ZNF341: variants seen among roughly 807,000 people sequenced by gnomAD.
ZNF341 encodes zinc finger protein 341.
In ZNF341, 52 loss-of-function variants were observed where a neutral mutation model predicts 87.7. The observed-to-expected ratio is 0.59, with a 90% confidence interval of 0.47 to 0.75. ZNF341 has a LOEUF of 0.75. Among genes scored for constraint, ZNF341 ranks in the 30% least tolerant of loss-of-function variants. The pLI, the probability that ZNF341 is intolerant of heterozygous loss-of-function variation, is 0.00. For synonymous variants in ZNF341, 459 were observed against 472.7 expected, an observed-to-expected ratio of 0.97 and a Z score of 0.38; for missense variants, 977 against 1,145.9, an observed-to-expected ratio of 0.85 and a Z score of 2.13.
At chr20:33,735,963 A>G (rs556114745) in intron 1 of ZNF341, among the ~76,000 whole-genome samples, 5 of 152,108 alleles carry the variant, frequency 3.3e-5, no homozygotes, top group Admixed American at 6.5e-5. Context: ...TTCACCCGTC[A>G]TAATTCCCTA....
chr20:33,782,922 G>T (rs1396590342), intron 11 of ZNF341, among the ~76,000 whole-genome samples: 1 of 152,180 alleles, frequency 6.6e-6, no homozygotes, highest in African/African-American at 2.4e-5. Flanking sequence ...TCGGGAGGCT[G>T]AGGCGGGTGG....
chr20:33,769,215 T>C (rs2019472225), intron 9 of ZNF341, among the ~76,000 whole-genome samples: 1 of 152,122 alleles, frequency 6.6e-6, no homozygotes, highest in Admixed American at 6.5e-5. Context: ...GAGAGTGTGA[T>C]GACTGTGGGC....
chr20:33,766,934 A>C lies in ZNF341; in HGVS notation c.1306A>C (p.Lys436Gln). ...GEEEGDKPES[K>Q]QVVLIDSSYL... ...GGAAGAGGGGGACAAGCCGGAGTCCAAGCAGGTGGTCCTCATCGACAGCTC... is the reference window on the plus strand; with the variant it reads ...GGAAGAGGGGGACAAGCCGGAGTCCCAGCAGGTGGTCCTCATCGACAGCTC... Residue 436 changes from lysine to glutamine, a missense_variant, in exon 9 of 15, where the codon AAG becomes CAG. Coordinates refer to ENST00000375200, the MANE Select transcript of ZNF341 (RefSeq NM_001282933.2). The C allele has an allele frequency of 1.2e-6, 2 of 1,614,202 alleles. No homozygotes were observed. The highest frequency in any genetic ancestry group is 1.7e-6 in the Non-Finnish European group (2 of 1,180,018).
At chr20:33,752,530 T>C (rs1396480250) in intron 4 of ZNF341, 1 of 461,506 alleles carries the variant, frequency 2.2e-6, no homozygotes, top group Non-Finnish European at 4.2e-6. Context: ...GCCACCCTTC[T>C]TTCTGGGAGC....
chr20:33,753,031 A>G lies in ZNF341; in HGVS notation c.490-141A>G. 2.5e-6 allele frequency: 3 copies of G among 1,219,878 alleles called. No individual in the cohort carries two copies. In the South Asian group the frequency reaches 4.1e-5, roughly 17 times the overall value. The allele number at this position is 1,219,878 out of a possible 1,614,324, so 75.6% of individuals were successfully genotyped here. Reference sequence around the variant, plus strand: ...AATTCTCCCATGACTTTGTTTCCCCAACCTCTCTTAGCCCCTCTCCTGAGC... The same window carrying G: ...AATTCTCCCATGACTTTGTTTCCCCGACCTCTCTTAGCCCCTCTCCTGAGC... On this transcript the variant is annotated intron_variant, in intron 4 of 14. Coordinates refer to ENST00000375200, the MANE Select transcript of ZNF341 (RefSeq NM_001282933.2).
intron 4 of ZNF341, 50 bp downstream of exon 4, chr20:33,749,122 T>C (rs2019003589): frequency 6.4e-7 from 1 of 1,570,892 alleles, no homozygotes; most frequent in Admixed American, 1.8e-5. Flanking sequence ...ACCTGTACAT[T>C]AACTCCTGCA....
intron 2 of ZNF341, among the ~76,000 whole-genome samples, chr20:33,743,848 G>A (rs1190243429): frequency 6.6e-6 from 1 of 152,166 alleles, no homozygotes; most frequent in Non-Finnish European, 1.5e-5. Context: ...AACCTCCTCT[G>A]TGTCCAGGAG....
intron 2 of ZNF341, among the ~76,000 whole-genome samples, chr20:33,744,442 C>T (rs2018873986): frequency 2.6e-5 from 4 of 152,178 alleles, no homozygotes; most frequent in Admixed American, 1.3e-4. Flanking sequence ...GGAGTATGAT[C>T]AGGTGGCTCA....
At position 33,732,686 on chromosome 20, in the gene ZNF341, C is replaced by T. The variant is rs1213988968; in HGVS notation, c.31+634C>T. Among the ~76,000 whole-genome samples the T allele has an allele frequency of 2.0e-5, 3 of 152,252 alleles. No homozygotes were observed. Among genetic ancestry groups the T allele is most frequent in the Non-Finnish European group, 2.9e-5 (2 of 67,986 alleles). On this transcript the variant is annotated intron_variant, in intron 1 of 14. Coordinates refer to ENST00000375200, the MANE Select transcript of ZNF341 (RefSeq NM_001282933.2). The surrounding 1 kb of genome is among the most constrained non-coding windows in gnomAD (Gnocchi z 4.5). ...ACCGTGGGTGCTGGCGCGGTGTGCC[C>T]GGCCGGGACGCGGTGTTCCCAGACC...
intron 10 of ZNF341, among the ~76,000 whole-genome samples, chr20:33,779,413 A>G (rs1386686190): frequency 6.6e-6 from 1 of 151,264 alleles, no homozygotes; most frequent in African/African-American, 2.4e-5. Context: ...GTGGGGACAC[A>G]GATACAAACT....
In ZNF341 at chr20:33,761,844, C is replaced by T. The variant is rs1447053470; in HGVS notation, c.1029-18C>T. On this transcript the variant is annotated intron_variant, in intron 7 of 14. Transcript: ENST00000375200. ...CCCCGTTCCTGCAGGAGGGCACTGA[C>T]AAGCTTGTCTTCCACAGCCACACCG... The T allele has an allele frequency of 3.4e-6, 5 of 1,472,978 alleles. No individual in the cohort carries two copies. The highest frequency in any genetic ancestry group is 1.4e-5 in the African/African-American group (1 of 71,350). 91.2% of individuals were successfully genotyped at this position (1,472,978 alleles called of 1,614,324 possible). A position where few individuals can be genotyped will look rare whatever the true frequency, so the allele number is the denominator to read the frequency against.
chr20:33,790,592 T>C (rs1161586739), intron 14 of ZNF341, among the ~76,000 whole-genome samples: 2 of 152,120 alleles, frequency 1.3e-5, no homozygotes, highest in South Asian at 4.1e-4. Flanking sequence ...GTGTGAAAAC[T>C]GGGAGAGTAG....
intron 3 of ZNF341, 113 bp from the exon 4 acceptor site, chr20:33,748,810 C>A: frequency 9.5e-7 from 1 of 1,052,656 alleles, no homozygotes; most frequent in Non-Finnish European, 1.4e-6. Context: ...TTGTGCCATG[C>A]CCTCGGCTTA....
Position 33,757,130 on chromosome 20 carries a change from A to C in ZNF341, c.742-18A>C. On this transcript the variant is annotated intron_variant, in intron 5 of 14. Transcript: ENST00000375200. Reference sequence around the variant, plus strand: ...CTTCCCTGGCAGGGCTTTTTCCCTGACTGTGTTGTCCTCCTAGGTGCCAAA... The same window carrying C: ...CTTCCCTGGCAGGGCTTTTTCCCTGCCTGTGTTGTCCTCCTAGGTGCCAAA... The C allele has an allele frequency of 2.9e-6, 4 of 1,381,292 alleles. No individual in the cohort carries two copies. The highest frequency in any genetic ancestry group is 2.8e-6 in the Non-Finnish European group (3 of 1,057,380). 85.6% of individuals were successfully genotyped at this position (1,381,292 alleles called of 1,614,324 possible).
At chr20:33,770,705 G>T (rs961191812) in intron 10 of ZNF341, among the ~76,000 whole-genome samples, 1 of 152,150 alleles carries the variant, frequency 6.6e-6, no homozygotes, top group African/African-American at 2.4e-5. Context: ...AATGGGCAGG[G>T]TGTGGCGGCC....
intron 4 of ZNF341, chr20:33,752,155 G>C: frequency 2.3e-6 from 1 of 437,646 alleles, no homozygotes; most frequent in Non-Finnish European, 4.4e-6. Flanking sequence ...TGAGGTATTT[G>C]ATGATCAGCG....
intron 1 of ZNF341, among the ~76,000 whole-genome samples, chr20:33,738,274 AAAT>A (rs1485251295): frequency 6.6e-6 from 1 of 152,172 alleles, no homozygotes; most frequent in East Asian, 1.9e-4. Flanking sequence ...TTCTATCTCA[AAAT>A]AATAATAATG....
At chr20:33,771,420 A>C (rs1390294985) in intron 10 of ZNF341, among the ~76,000 whole-genome samples, 1 of 151,318 alleles carries the variant, frequency 6.6e-6, no homozygotes, top group Non-Finnish European at 1.5e-5. Context: ...TAATTTTTGT[A>C]TTTTTTGTAG....
At chr20:33,761,152 AT>A (rs2019281752) in intron 7 of ZNF341, among the ~76,000 whole-genome samples, 8 of 152,104 alleles carry the variant, frequency 5.3e-5, no homozygotes, top group Admixed American at 4.6e-4. Context: ...GAGCCACAAA[AT>A]TATTTTAAGT....
Sources: allele counts gnomAD v4.1 joint callset (sites outside exome capture counted in the v4.1 genomes callset), GRCh38; gene constraint gnomAD v4.1.1; non-coding constraint Gnocchi (gnomAD v3.1); transcripts MANE v1.5; gene names NCBI Gene and HGNC (gene_info 2026-07-23, HGNC 2026-07-21).